Variants in MAP2K5 observed in about 807,000 individuals in gnomAD.
The protein encoded by MAP2K5 is mitogen-activated protein kinase kinase 5.
A neutral mutation model predicts 83.1 loss-of-function variants in MAP2K5; 49 were observed. That is an observed-to-expected ratio of 0.59 (90% CI 0.47 to 0.75). MAP2K5 has a LOEUF of 0.75. Among genes scored for constraint, MAP2K5 ranks in the 30% least tolerant of loss-of-function variants. The pLI is 0.00. For missense variants in MAP2K5, 457 were observed against 557.5 expected, an observed-to-expected ratio of 0.82 and a Z score of 1.82; for synonymous variants, 202 against 191.8, an observed-to-expected ratio of 1.05 and a Z score of -0.44.
At chr15:67,680,800 G>A (rs906369455) in intron 13 of MAP2K5, among the ~76,000 whole-genome samples, 1 of 152,214 alleles carries the variant, frequency 6.6e-6, no homozygotes, top group Non-Finnish European at 1.5e-5. Flanking sequence ...CACTGAAGGA[G>A]TGAGACAGTA....
At chr15:67,584,422 G>A (rs2085246669) in intron 4 of MAP2K5, among the ~76,000 whole-genome samples, 1 of 152,158 alleles carries the variant, frequency 6.6e-6, no homozygotes, top group South Asian at 2.1e-4. Flanking sequence ...TGTTGTCTTA[G>A]GAAGTATTGA....
rs1387619782 is a variant in MAP2K5 at position 67,698,568 on chromosome 15, C to T, written c.973-4769C>T. Among the ~76,000 whole-genome samples, 6 of 152,066 alleles carry T rather than the reference C, an allele frequency of 3.9e-5. No homozygotes were observed. The highest frequency in any genetic ancestry group is 7.4e-5 in the Non-Finnish European group (5 of 68,016). ...AAACTTTAACCAACTATTCAGTCTTCCTGGCTTACTATCATTTTAAAAATC... is the reference window on the plus strand; with the variant it reads ...AAACTTTAACCAACTATTCAGTCTTTCTGGCTTACTATCATTTTAAAAATC... On this transcript the variant is annotated intron_variant, in intron 15 of 21. Transcript: ENST00000178640. This position sits in a 1 kb window ranked among gnomAD's most constrained non-coding sequence, Gnocchi z 4.5.
chr15:67,648,626 G>T (rs574319126), intron 11 of MAP2K5, among the ~76,000 whole-genome samples: 1 of 151,376 alleles, frequency 6.6e-6, no homozygotes, highest in African/African-American at 2.4e-5. Context: ...AGGCTGGAGT[G>T]CAGTGGGGTG....
chr15:67,669,245 A>C (rs1451809971), intron 13 of MAP2K5, among the ~76,000 whole-genome samples: 1 of 152,310 alleles, frequency 6.6e-6, no homozygotes, highest in South Asian at 2.1e-4. Flanking sequence ...AGAGTGGGTT[A>C]GGAAACATTT....
rs536081347 is a variant in MAP2K5, at chr15:67,587,858, G to A, written c.431+945G>A. Among the ~76,000 whole-genome samples the A allele has an allele frequency of 2.4e-4, 36 of 152,222 alleles. No homozygotes were observed. The highest frequency in any genetic ancestry group is 3.5e-4 in the Non-Finnish European group (24 of 68,010). On this transcript the variant is annotated intron_variant, in intron 6 of 21. Coordinates refer to ENST00000178640, the MANE Select transcript of MAP2K5 (RefSeq NM_145160.3). The surrounding 1 kb of genome is among the most constrained non-coding windows in gnomAD (Gnocchi z 4.8). ...TAGGCCTCCCTCAGTGCCACACCCT[G>A]TCAGTCCCCACACTTGTGGGTTCTA...
rs550804958 is a variant in MAP2K5, at chr15:67,550,155, T to G, written c.184+73T>G. The G allele has an allele frequency of 4.7e-5, 56 of 1,184,220 alleles. No individual in the cohort carries two copies. In the African/African-American group the frequency reaches 6.8e-4, roughly 14 times the overall value. The allele number at this position is 1,184,220 out of a possible 1,614,324, so 73.4% of individuals were successfully genotyped here. A position where few individuals can be genotyped will look rare whatever the true frequency, so the allele number is the denominator to read the frequency against. The stretch of plus-strand genomic sequence containing the variant: ...TTTTTAAAGGGTTTATGGGTGGCAT[T>G]ACTTTAGAAACTGACAAAAACAGAT... On this transcript the variant is annotated intron_variant, in intron 2 of 21. Coordinates refer to ENST00000178640, the MANE Select transcript of MAP2K5 (RefSeq NM_145160.3).
chr15:67,570,235 G>C (rs533272952), intron 3 of MAP2K5, among the ~76,000 whole-genome samples: 1 of 152,288 alleles, frequency 6.6e-6, no homozygotes, highest in African/African-American at 2.4e-5. Flanking sequence ...TAACCAAATG[G>C]TGTTATCATT....
chr15:67,566,721 A>G (rs930530222), intron 3 of MAP2K5, among the ~76,000 whole-genome samples: 2 of 152,220 alleles, frequency 1.3e-5, no homozygotes, highest in African/African-American at 2.4e-5. Flanking sequence ...GGATGCAGGC[A>G]TTTTCTGGCT....
chr15:67,737,543 C>T (rs1566947159), intron 17 of MAP2K5, among the ~76,000 whole-genome samples: 3 of 150,928 alleles, frequency 2.0e-5, no homozygotes, highest in South Asian at 4.2e-4. Flanking sequence ...ATAAAACAGA[C>T]GAGCTAAGTT....
intron 14 of MAP2K5, among the ~76,000 whole-genome samples, chr15:67,692,876 G>A (rs1242455319): frequency 1.3e-5 from 2 of 152,168 alleles, no homozygotes; most frequent in Admixed American, 6.5e-5. Flanking sequence ...TGTGCCTGGG[G>A]AGCCCAACTG....
rs1307600113 is a variant in MAP2K5, at chr15:67,552,676, A to G, written c.184+2594A>G. Among the ~76,000 whole-genome samples the G allele has an allele frequency of 6.6e-6, 1 of 152,114 alleles. No individual in the cohort carries two copies. The highest frequency in any genetic ancestry group is 2.4e-5 in the African/African-American group (1 of 41,396). ...GGTCTTGAACTCCTGGCCTCAAGTG[A>G]TAGTCCCATCTTGGCCTTTCAAAGT... is the stretch of plus-strand genomic sequence containing the variant. On this transcript the variant is annotated intron_variant, in intron 2 of 21. Transcript: ENST00000178640. This position sits in a 1 kb window ranked among gnomAD's most constrained non-coding sequence, Gnocchi z 4.2.
Position 67,801,948 on chromosome 15 carries a change from C to A in MAP2K5, c.1243-4698C>A, listed in dbSNP as rs1301817729. ...CCTATTTCAGAAGAAGCTCAAAGCC[C>A]AACTAAGGGCAGACAGCGAGGTGTC... On this transcript the variant is annotated intron_variant, in intron 21 of 21. Transcript: ENST00000178640. This position sits in a 1 kb window ranked among gnomAD's most constrained non-coding sequence, Gnocchi z 4.8. Among the ~76,000 whole-genome samples, 1 of 152,184 alleles carries A rather than the reference C, an allele frequency of 6.6e-6. No homozygotes were observed. Among genetic ancestry groups the A allele is most frequent in the Non-Finnish European group, 1.5e-5 (1 of 68,040 alleles).
In MAP2K5 at chr15:67,755,165, G is replaced by T. The variant is rs2089808432; in HGVS notation, c.1134+6564G>T. Reference sequence around the variant, plus strand: ...AATTTTTTTGTGTGTTTTTAGTAGAGATGGGGTTTCACCATGTTGGCCAGG... The same window carrying T: ...AATTTTTTTGTGTGTTTTTAGTAGATATGGGGTTTCACCATGTTGGCCAGG... On this transcript the variant is annotated intron_variant, in intron 19 of 21. Transcript: ENST00000178640. The surrounding 1 kb of genome is among the most constrained non-coding windows in gnomAD (Gnocchi z 4.7). Among the ~76,000 whole-genome samples, 1 of 152,048 alleles carries T rather than the reference G, an allele frequency of 6.6e-6. No homozygotes were observed. Among genetic ancestry groups the T allele is most frequent in the African/African-American group, 2.4e-5 (1 of 41,394 alleles).
chr15:67,547,110 A>G (rs1157654947), intron 1 of MAP2K5, among the ~76,000 whole-genome samples: 1 of 151,718 alleles, frequency 6.6e-6, no homozygotes, highest in Non-Finnish European at 1.5e-5. Flanking sequence ...ACACACACAG[A>G]TTTCTGTCTA....
intron 16 of MAP2K5, among the ~76,000 whole-genome samples, chr15:67,705,064 A>T (rs2088516062): frequency 1.3e-5 from 2 of 152,208 alleles, no homozygotes; most frequent in African/African-American, 4.8e-5. Flanking sequence ...TGACTGTGCT[A>T]CTGCTCATGG....
At chr15:67,591,879 A>T (rs1482119846) in intron 6 of MAP2K5, among the ~76,000 whole-genome samples, 1 of 151,976 alleles carries the variant, frequency 6.6e-6, no homozygotes, top group Non-Finnish European at 1.5e-5. Context: ...TGGGAGGCCG[A>T]GGCGGGCAGA....
At chr15:67,754,551 T>A (rs1489959619) in intron 19 of MAP2K5, among the ~76,000 whole-genome samples, 2 of 152,230 alleles carry the variant, frequency 1.3e-5, no homozygotes, top group African/African-American at 4.8e-5. Context: ...TGAATTAGAT[T>A]TGATTCATTA....
chr15:67,563,623 A>AT lies in MAP2K5; in HGVS notation c.252+279dup, dbSNP rs1238409917. 1.3e-5 allele frequency among the ~76,000 whole-genome samples: 2 copies of AT among 152,176 alleles called. No individual in the cohort carries two copies. Among genetic ancestry groups the AT allele is most frequent in the African/African-American group, 4.8e-5 (2 of 41,448 alleles). ...ACTAAATGGACTATCAATTTCCTGT[A>AT]TTTTTTATGCAGTACTTAAAGTAAC... On this transcript the variant is annotated intron_variant, in intron 3 of 21. Coordinates refer to ENST00000178640, the MANE Select transcript of MAP2K5 (RefSeq NM_145160.3). This position sits in a 1 kb window ranked among gnomAD's most constrained non-coding sequence, Gnocchi z 4.5.
chr15:67,717,441 T>TC lies in MAP2K5; in HGVS notation c.1045-10473dup, dbSNP rs1056106960. Among the ~76,000 whole-genome samples the TC allele has an allele frequency of 3.3e-5, 5 of 152,218 alleles. No individual in the cohort carries two copies. Among genetic ancestry groups the TC allele is most frequent in the African/African-American group, 1.2e-4 (5 of 41,460 alleles). On this transcript the variant is annotated intron_variant, in intron 16 of 21. Transcript: ENST00000178640. This position sits in a 1 kb window ranked among gnomAD's most constrained non-coding sequence, Gnocchi z 4.1. Reference sequence around the variant, plus strand: ...GGGTACATACTTTGCCCTCAGTGACTCCTTGACTAATAGGTAGAAAGAAAA... The same window carrying TC: ...GGGTACATACTTTGCCCTCAGTGACTCCCTTGACTAATAGGTAGAAAGAAAA...
Sources: allele counts gnomAD v4.1 joint callset (sites outside exome capture counted in the v4.1 genomes callset), GRCh38; gene constraint gnomAD v4.1.1; non-coding constraint Gnocchi (gnomAD v3.1); transcripts MANE v1.5; gene names NCBI Gene and HGNC (gene_info 2026-07-23, HGNC 2026-07-21).